The following SYTL5 variants were observed in gnomAD, a reference collection of about 807,000 sequenced individuals.
SYTL5 encodes synaptotagmin-like protein 5.
SYTL5 carries 34 observed loss-of-function variants against 55.9 expected under a neutral mutation model. The ratio of observed to expected loss-of-function variants is 0.61; its 90% CI spans 0.46 to 0.81. The LOEUF (loss-of-function observed/expected upper bound fraction) is 0.81, where lower values mean the gene tolerates loss of function less well. Ranked by LOEUF, SYTL5 falls within the 30% of genes least tolerant of loss-of-function variation. SYTL5 has a pLI of 0.00. For missense variants in SYTL5, 637 were observed against 546.7 expected, an observed-to-expected ratio of 1.17 and a Z score of -1.65; for synonymous variants, 221 against 188.7, an observed-to-expected ratio of 1.17 and a Z score of -1.40.
At chrX:37,990,937 A>G in the SYTL5 span, 1 of 1,211,924 alleles carries the variant, frequency 8.3e-7, no homozygotes. Context: ...AGCTTCGTGG[A>G]CCGCGTTGTG....
In SYTL5 at chrX:38,020,483, A is replaced by G. The variant is rs372767101; in HGVS notation, c.-356-13051A>G. On this transcript the variant is annotated intron_variant, in intron 1 of 16. Transcript: ENST00000297875. ...AATATAATTGGGACCATACTGCATA[A>G]GTAATTTTGTATCCTGAGTTTTTTT... 2.9e-4 allele frequency among the ~76,000 whole-genome samples: 27 copies of G among 93,839 alleles called. No homozygotes were observed. The South Asian group carries it at 0.012, about 41-fold the overall frequency. The allele number at this position is 93,839 out of a possible 115,157, so 81.5% of individuals were successfully genotyped here.
intron 3 of SYTL5, among the ~76,000 whole-genome samples, chrX:38,057,808 A>C (rs1204723339): frequency 9.0e-6 from 1 of 111,519 alleles, no homozygotes; most frequent in Non-Finnish European, 1.9e-5. Context: ...ATAATCTTTT[A>C]CTGATTTGAA....
the SYTL5 span, among the ~76,000 whole-genome samples, chrX:37,980,906 C>T: frequency 2.7e-5 from 3 of 111,899 alleles, no homozygotes; most frequent in African/African-American, 9.8e-5. Flanking sequence ...ATGTGTGATC[C>T]ACATGGAGAG....
chrX:37,985,174 G>A, the SYTL5 span, among the ~76,000 whole-genome samples: 5 of 111,653 alleles, frequency 4.5e-5, no homozygotes, highest in Non-Finnish European at 9.4e-5. Flanking sequence ...TAGAAAGGAA[G>A]AAGTAAAATT....
At chrX:38,119,805 T>C (rs1016655572) in intron 13 of SYTL5, among the ~76,000 whole-genome samples, 1 of 112,336 alleles carries the variant, frequency 8.9e-6, no homozygotes, top group African/African-American at 3.2e-5. Context: ...ACCAACAATG[T>C]TTGAGTGAAC....
Position 38,094,296 on chromosome X carries a change from A to G in SYTL5, c.833A>G (p.Glu278Gly). The stretch of plus-strand genomic sequence containing the variant: ...TTCTCATTTTTACTTTGTGGGAAGG[A>G]GTATGGTTTTGAAAATTCCATGGAT... Reference protein sequence around the residue: ...TRTVTSVISREYGFENSMDLA... With the variant: ...TRTVTSVISRGYGFENSMDLA... Residue 278 changes from glutamate (E) to glycine (G), a missense_variant and splice_region_variant, in exon 8 of 17, where the codon GAG becomes GGG. Transcript: ENST00000297875. The G allele has an allele frequency of 8.3e-7, 1 of 1,197,657 alleles. No individual in the cohort carries two copies. Among genetic ancestry groups the G allele is most frequent in the Non-Finnish European group, 1.1e-6 (1 of 885,166 alleles).
intron 10 of SYTL5, among the ~76,000 whole-genome samples, 158 bp downstream of exon 10, chrX:38,102,592 C>A (rs890904588): frequency 7.1e-5 from 8 of 111,907 alleles, no homozygotes; most frequent in Non-Finnish European, 1.5e-4. Context: ...GAGTACATTT[C>A]AGTCTAATTT....
the SYTL5 span, among the ~76,000 whole-genome samples, chrX:37,924,658 T>C: frequency 9.0e-6 from 1 of 111,660 alleles, no homozygotes; most frequent in East Asian, 2.8e-4. Flanking sequence ...ACCTCTTTTT[T>C]ACTTCATTTT....
chrX:38,019,681 G>A (rs746209022), intron 1 of SYTL5, among the ~76,000 whole-genome samples: 10 of 111,267 alleles, frequency 9.0e-5, no homozygotes, highest in Non-Finnish European at 1.7e-4. Context: ...CCAGGCTGGA[G>A]TGCAGTGGCG....
chrX:37,925,462 T>C, the SYTL5 span, among the ~76,000 whole-genome samples: 1 of 112,008 alleles, frequency 8.9e-6, no homozygotes, highest in Admixed American at 9.5e-5. Flanking sequence ...AGCTGTTTAC[T>C]GTTTTCTGTA....
At chrX:37,976,903 G>A in the SYTL5 span, among the ~76,000 whole-genome samples, 3 of 109,960 alleles carry the variant, frequency 2.7e-5, no homozygotes, top group Admixed American at 9.7e-5. Flanking sequence ...GAGGCAGTTT[G>A]CAGTGAGCAG....
the SYTL5 span, among the ~76,000 whole-genome samples, chrX:37,938,336 A>T: frequency 8.9e-6 from 1 of 112,556 alleles, no homozygotes; most frequent in East Asian, 2.8e-4. Flanking sequence ...CTGCTCTCAG[A>T]TGCTGCATCT....
At chrX:38,070,407 G>A (rs1056487352) in intron 3 of SYTL5, among the ~76,000 whole-genome samples, 1 of 110,054 alleles carries the variant, frequency 9.1e-6, no homozygotes, top group African/African-American at 3.3e-5. Flanking sequence ...ATTCTCAGTG[G>A]GCCAAGTGTA....
chrX:37,950,605 C>T, the SYTL5 span, among the ~76,000 whole-genome samples: 4 of 111,234 alleles, frequency 3.6e-5, no homozygotes, highest in African/African-American at 1.3e-4. Context: ...ATTTAAGAAA[C>T]TCAAACCAGC....
chrX:37,940,250 T>C, the SYTL5 span, among the ~76,000 whole-genome samples: 1 of 110,794 alleles, frequency 9.0e-6, no homozygotes, highest in African/African-American at 3.3e-5. Flanking sequence ...AGCAGAAACA[T>C]GGATTATTTT....
intron 6 of SYTL5, among the ~76,000 whole-genome samples, chrX:38,081,287 G>C (rs1174404579): frequency 7.2e-5 from 8 of 111,628 alleles, no homozygotes; most frequent in Non-Finnish European, 7.5e-5. Context: ...CAAAACCATG[G>C]TGGCCTGAGA....
At chrX:37,966,523 C>T in the SYTL5 span, among the ~76,000 whole-genome samples, 197 of 104,659 alleles carry the variant, frequency 1.9e-3, no homozygotes, top group Middle Eastern at 0.015. Context: ...CTGCAACCTC[C>T]GCCTCCCAGG....
chrX:38,122,015 A>C, intron 14 of SYTL5, 65 bp from the exon 15 acceptor site: 1 of 1,021,321 alleles, frequency 9.8e-7, no homozygotes, highest in Non-Finnish European at 1.3e-6. Context: ...TTGAAATGGA[A>C]CTCATGATTT....
At chrX:37,962,408 C>CT in the SYTL5 span, among the ~76,000 whole-genome samples, 31 of 111,408 alleles carry the variant, frequency 2.8e-4, no homozygotes, top group Non-Finnish European at 1.5e-4. Flanking sequence ...ATGAACTCAT[C>CT]TTTTTTATGG....
Sources: allele counts gnomAD v4.1 joint callset (sites outside exome capture counted in the v4.1 genomes callset), GRCh38; gene constraint gnomAD v4.1.1; transcripts MANE v1.5; gene names NCBI Gene and HGNC (gene_info 2026-07-23, HGNC 2026-07-21).